Variants in DROSHA observed in about 807,000 individuals in gnomAD.
The protein encoded by DROSHA is ribonuclease 3.
DROSHA carries 56 observed loss-of-function variants against 181.9 expected under a neutral mutation model. The ratio of observed to expected loss-of-function variants is 0.31; its 90% CI spans 0.25 to 0.38. The LOEUF is 0.38. DROSHA is among the 10% of genes least tolerant of loss of function. The pLI is 1.00. For synonymous variants in DROSHA, 524 were observed against 591.2 expected, an observed-to-expected ratio of 0.89 and a Z score of 1.65; for missense variants, 1,218 against 1,743.5, an observed-to-expected ratio of 0.70 and a Z score of 5.37.
rs922450959 is a variant in DROSHA at position 31,530,899 on chromosome 5, T to G, written c.-148A>C. The G allele has an allele frequency of 1.3e-5, 5 of 398,492 alleles. No individual in the cohort carries two copies. The highest frequency in any genetic ancestry group is 1.0e-4 in the African/African-American group (5 of 48,622). The allele number at this position is 398,492 out of a possible 1,614,324, so 24.7% of individuals were successfully genotyped here. A position where few individuals can be genotyped will look rare whatever the true frequency, so the allele number is the denominator to read the frequency against. On this transcript the variant is annotated 5_prime_UTR_variant, in exon 3 of 36. Transcript: ENST00000344624. ...GGGTTGATTCACAGTCATTTCTGTA[T>G]CCTTCACATCCCCGGGAAAAGCAAC...
chr5:31,423,050 G>T, intron 28 of DROSHA, 106 bp from the exon 29 acceptor site: 1 of 1,054,580 alleles, frequency 9.5e-7, no homozygotes, highest in African/African-American at 1.7e-5. Context: ...CCCATGAGCA[G>T]AAATTTCTGA....
Position 31,526,778 on chromosome 5 carries a change from T to G in DROSHA, c.155A>C (p.Gln52Pro), listed in dbSNP as rs1005888630. 6 of 1,600,654 alleles carry G rather than the reference T, an allele frequency of 3.7e-6. No homozygotes were observed. In the South Asian group the frequency reaches 6.8e-5, roughly 18 times the overall value. ...GGAAGGGGCACTTGGAGGTTCATATTGATATTGCACAGGAGGCTGCTGAGG... is the reference window on the plus strand; with the variant it reads ...GGAAGGGGCACTTGGAGGTTCATATGGATATTGCACAGGAGGCTGCTGAGG... ...LHPQQPPVQYQYEPPSAPSTT... is the reference protein window; with the variant it reads ...LHPQQPPVQYPYEPPSAPSTT... Residue 52 changes from glutamine (Q) to proline (P), a missense_variant, in exon 5 of 36, where the codon CAA (glutamine) becomes CCA (proline). This residue lies in a region of DROSHA where 536 missense variants were observed against 535.4 expected (regional missense o/e 1.00). Coordinates refer to ENST00000344624, the MANE Select transcript of DROSHA (RefSeq NM_001382508.1).
intron 20 of DROSHA, among the ~76,000 whole-genome samples, chr5:31,460,783 T>C (rs1183376646): frequency 6.6e-6 from 1 of 152,186 alleles, no homozygotes; most frequent in Non-Finnish European, 1.5e-5. Context: ...GCTTTTATTT[T>C]GGAGGTTTTA....
intron 10 of DROSHA, 49 bp downstream of exon 10, chr5:31,508,572 G>A (rs773728546): frequency 1.4e-5 from 22 of 1,611,278 alleles, no homozygotes; most frequent in African/African-American, 8.0e-5. Flanking sequence ...AGCAATAACC[G>A]TTATGTCTGG....
At chr5:31,429,582 C>A (rs1414895844) in intron 26 of DROSHA, 37 bp from the exon 27 acceptor site, 6 of 1,561,138 alleles carry the variant, frequency 3.8e-6, no homozygotes, top group Non-Finnish European at 5.2e-6. Context: ...AGAGAGTCTC[C>A]ATCAACAGTC....
At chr5:31,444,654 A>C (rs1309798958) in intron 23 of DROSHA, among the ~76,000 whole-genome samples, 1 of 152,190 alleles carries the variant, frequency 6.6e-6, no homozygotes, top group Admixed American at 6.5e-5. Flanking sequence ...GCCATGTTAG[A>C]GGGCTATGGG....
intron 16 of DROSHA, among the ~76,000 whole-genome samples, chr5:31,473,058 C>G (rs868047319): frequency 6.6e-6 from 1 of 152,092 alleles, no homozygotes; most frequent in African/African-American, 2.4e-5. Context: ...TTGCCTACAC[C>G]CAACCAAACA....
At chr5:31,443,988 G>C (rs1425377590) in intron 23 of DROSHA, among the ~76,000 whole-genome samples, 1 of 152,174 alleles carries the variant, frequency 6.6e-6, no homozygotes, top group Non-Finnish European at 1.5e-5. Context: ...AAGAAAAATA[G>C]CCCCATAACA....
At chr5:31,484,557 CA>C (rs1170687961) in intron 15 of DROSHA, among the ~76,000 whole-genome samples, 1 of 151,756 alleles carries the variant, frequency 6.6e-6, no homozygotes, top group Non-Finnish European at 1.5e-5. Context: ...AGATTTATTA[CA>C]GCAAAGTTTA....
intron 23 of DROSHA, among the ~76,000 whole-genome samples, chr5:31,439,874 G>A (rs1235913667): frequency 6.6e-6 from 1 of 152,096 alleles, no homozygotes; most frequent in Non-Finnish European, 1.5e-5. Context: ...GAGCCCATGG[G>A]GCCTGAGCAA....
intron 27 of DROSHA, among the ~76,000 whole-genome samples, chr5:31,427,330 A>G (rs1743600462): frequency 6.6e-6 from 1 of 152,196 alleles, no homozygotes; most frequent in South Asian, 2.1e-4. Context: ...GTACTGGGTC[A>G]AACTTGAAGG....
rs7449014 is a variant in DROSHA at position 31,449,354 on chromosome 5, T to C, written c.2748A>G (p.Ser916=). The change falls in exon 22 of 36, where the codon TCA becomes TCG. Residue 916 remains serine (S), a synonymous_variant. Transcript: ENST00000344624. ...GCTGCCGAATTCCACAGTTAGATAATGAATTCCTGGCATGATCAGGATTCA... is the reference window on the plus strand; with the variant it reads ...GCTGCCGAATTCCACAGTTAGATAACGAATTCCTGGCATGATCAGGATTCA... The part of the protein sequence containing the change: ...FGMNPDHARN[S]LSNCGIRQPK... 30 of 1,612,076 alleles carry C rather than the reference T, an allele frequency of 1.9e-5. No homozygotes were observed. In the African/African-American group the frequency reaches 3.6e-4, roughly 19 times the overall value.
Position 31,409,402 on chromosome 5 carries a change from G to C in DROSHA, c.3668-70C>G. ...TCTATCAGAAAGAGTAAGAGACCTA[G>C]ACCTTTAAGCAAAATTTTAGTAATA... On this transcript the variant is annotated intron_variant, in intron 31 of 35. Coordinates refer to ENST00000344624, the MANE Select transcript of DROSHA (RefSeq NM_001382508.1). This position sits in a 1 kb window ranked among gnomAD's most constrained non-coding sequence, Gnocchi z 4.0. 1 of 1,439,486 alleles carries C rather than the reference G, an allele frequency of 6.9e-7. No individual in the cohort carries two copies. 89.2% of individuals were successfully genotyped at this position (1,439,486 alleles called of 1,614,324 possible).
chr5:31,526,195 G>A lies in DROSHA; in HGVS notation c.738C>T (p.Ser246=). 3.7e-6 allele frequency: 6 copies of A among 1,613,802 alleles called. No homozygotes were observed. The highest frequency in any genetic ancestry group is 3.3e-4 in the Middle Eastern group (2 of 6,062). ...TGCGGCCTCGCTCCCGCCGATCCAG[G>A]GACCGATGCCTCTCACCTCGCCCAT... ...HSHGRGERHR[S]LDRRERGRSP... Residue 246 remains serine, a synonymous_variant, in exon 5 of 36, where the codon TCC becomes TCT. Transcript: ENST00000344624.
At chr5:31,424,788 T>A (rs1743276996) in intron 27 of DROSHA, among the ~76,000 whole-genome samples, 1 of 152,192 alleles carries the variant, frequency 6.6e-6, no homozygotes, top group African/African-American at 2.4e-5. Context: ...TTTAATCATA[T>A]TTTTTTCTTA....
intron 11 of DROSHA, among the ~76,000 whole-genome samples, chr5:31,499,459 CACAG>C (rs1377338082): frequency 7.2e-5 from 11 of 152,174 alleles, no homozygotes; most frequent in Admixed American, 2.0e-4. Flanking sequence ...GTAAGTGGAA[CACAG>C]ACAGCCCCTG....
At chr5:31,463,040 A>G (rs1378971525) in intron 20 of DROSHA, among the ~76,000 whole-genome samples, 1 of 152,170 alleles carries the variant, frequency 6.6e-6, no homozygotes, top group Non-Finnish European at 1.5e-5. Flanking sequence ...TTTGGATGAC[A>G]TTACATTGGT....
chr5:31,488,615 G>A (rs762252352), intron 13 of DROSHA, among the ~76,000 whole-genome samples: 3 of 152,132 alleles, frequency 2.0e-5, no homozygotes, highest in Non-Finnish European at 4.4e-5. Flanking sequence ...ACTCTATTAT[G>A]TAGCCCTTAC....
intron 21 of DROSHA, among the ~76,000 whole-genome samples, chr5:31,449,755 C>T (rs1319961935): frequency 1.3e-5 from 2 of 151,986 alleles, no homozygotes; most frequent in Admixed American, 6.6e-5. Context: ...AAAAACTCAG[C>T]ATGGGAGCAC....
Sources: allele counts gnomAD v4.1 joint callset (sites outside exome capture counted in the v4.1 genomes callset), GRCh38; gene constraint gnomAD v4.1.1; regional missense constraint gnomAD v4.1.1; non-coding constraint Gnocchi (gnomAD v3.1); transcripts MANE v1.5; gene names NCBI Gene and HGNC (gene_info 2026-07-23, HGNC 2026-07-21).